UNC13B: variants seen among roughly 807,000 people sequenced by gnomAD.
The protein encoded by UNC13B is unc-13 homolog B, also known as protein unc-13 homolog B.
A neutral mutation model predicts 211.0 loss-of-function variants in UNC13B; 144 were observed. That is an observed-to-expected ratio of 0.68 (90% CI 0.60 to 0.78). The LOEUF is 0.78. Ranked by LOEUF, UNC13B falls within the 30% of genes least tolerant of loss-of-function variation. The pLI, the probability that UNC13B is intolerant of heterozygous loss-of-function variation, is 0.00. For missense variants in UNC13B, 1,777 were observed against 2,002.0 expected (o/e 0.89, Z 2.14); for synonymous variants, 709 against 725.8 (o/e 0.98, Z 0.37).
At chr9:35,194,379 G>A (rs1255196698) in intron 1 of UNC13B, among the ~76,000 whole-genome samples, 1 of 152,170 alleles carries the variant, frequency 6.6e-6, no homozygotes, top group Non-Finnish European at 1.5e-5. Context: ...GTCAGAGACT[G>A]GGATCAGTCC....
chr9:35,349,515 C>T (rs187898431), intron 11 of UNC13B, among the ~76,000 whole-genome samples: 1 of 152,280 alleles, frequency 6.6e-6, no homozygotes, highest in African/African-American at 2.4e-5. Flanking sequence ...AGTGCATCCT[C>T]GCAGGCTAGA....
intron 1 of UNC13B, among the ~76,000 whole-genome samples, chr9:35,166,968 A>G (rs1029618086): frequency 6.6e-6 from 1 of 152,134 alleles, no homozygotes; most frequent in Admixed American, 6.5e-5. Flanking sequence ...GTGGCATGTG[A>G]GCTGCATGTG....
In UNC13B at chr9:35,358,857, C is replaced by T. The variant is rs867535310; in HGVS notation, c.9415-8090C>T. ...GGGATTACAGGCATCCACCACGAAG[C>T]CTGGTTAATTTTTTGTATTTTTAGT... is the stretch of plus-strand genomic sequence containing the variant. On this transcript the variant is annotated intron_variant, in intron 11 of 39. Transcript: ENST00000635942. Among the ~76,000 whole-genome samples, 16 of 151,994 alleles carry T rather than the reference C, an allele frequency of 1.1e-4. No individual in the cohort carries two copies. In the Middle Eastern group the frequency reaches 0.01, roughly 97 times the overall value.
intron 1 of UNC13B, among the ~76,000 whole-genome samples, chr9:35,170,494 G>A (rs1028127782): frequency 2.0e-5 from 3 of 151,202 alleles, no homozygotes; most frequent in African/African-American, 7.3e-5. Flanking sequence ...TTTGAGACTG[G>A]ATCTTGCTCT....
chr9:35,291,108 C>T (rs1175419732), intron 7 of UNC13B: 25 of 1,550,116 alleles, frequency 1.6e-5, no homozygotes, highest in East Asian at 7.3e-5. Context: ...CAACAGAGTA[C>T]GTAAGAATTG....
intron 11 of UNC13B, chr9:35,342,465 GA>G (rs1832062883): frequency 1.2e-5 from 8 of 646,384 alleles, no homozygotes; most frequent in African/African-American, 2.0e-5. Flanking sequence ...ACTTGCTGGT[GA>G]GGGGGGTCAT....
intron 1 of UNC13B, among the ~76,000 whole-genome samples, chr9:35,172,166 T>G (rs1231298266): frequency 6.6e-6 from 1 of 151,470 alleles, no homozygotes; most frequent in Non-Finnish European, 1.5e-5. Context: ...TGAGCTACCA[T>G]GCCTGGCCCC....
intron 11 of UNC13B, among the ~76,000 whole-genome samples, chr9:35,315,166 AC>A (rs1221121170): frequency 6.6e-6 from 1 of 150,982 alleles, no homozygotes. Context: ...TGCTGAGAGT[AC>A]AGGTGTGAGC....
chr9:35,353,646 A>G (rs1312983439), intron 11 of UNC13B: 2 of 1,232,050 alleles, frequency 1.6e-6, no homozygotes, highest in Admixed American at 4.2e-5. Flanking sequence ...TCTCCCAAGC[A>G]GGGCAGACTG....
intron 24 of UNC13B, among the ~76,000 whole-genome samples, chr9:35,389,275 A>G (rs1473348394): frequency 6.6e-6 from 1 of 152,158 alleles, no homozygotes; most frequent in Non-Finnish European, 1.5e-5. Flanking sequence ...TTAGGCAGAT[A>G]GCTTCCTAGA....
chr9:35,286,596 C>CT (rs1828809975), intron 7 of UNC13B, among the ~76,000 whole-genome samples: 1 of 151,902 alleles, frequency 6.6e-6, no homozygotes, highest in South Asian at 2.1e-4. Context: ...ACAGTGGCTC[C>CT]TGTCTGTAAT....
intron 24 of UNC13B, among the ~76,000 whole-genome samples, chr9:35,387,735 C>T (rs563092747): frequency 1.9e-4 from 29 of 152,238 alleles, no homozygotes; most frequent in South Asian, 8.3e-4. Context: ...TTGGTTTATT[C>T]GTCCATTCAT....
intron 11 of UNC13B, among the ~76,000 whole-genome samples, chr9:35,357,452 GA>G (rs1833100104): frequency 6.6e-6 from 1 of 151,652 alleles, no homozygotes; most frequent in South Asian, 2.1e-4. Context: ...TGAGCTGTAA[GA>G]ATTCTTTATA....
At chr9:35,222,497 A>G (rs1391458859) in intron 1 of UNC13B, among the ~76,000 whole-genome samples, 1 of 152,242 alleles carries the variant, frequency 6.6e-6, no homozygotes, top group Non-Finnish European at 1.5e-5. Context: ...GGAGTCAAGC[A>G]AGATATAAAT....
At chr9:35,176,025 CAAAAAAA>C (rs10608620) in intron 1 of UNC13B, among the ~76,000 whole-genome samples, 1 of 96,194 alleles carries the variant, frequency 1.0e-5, no homozygotes, top group African/African-American at 3.9e-5. Flanking sequence ...GACTCTGTCT[CAAAAAAA>C]AAAAAAAAAA....
intron 11 of UNC13B, chr9:35,341,806 G>A (rs760012907): frequency 2.5e-6 from 1 of 403,584 alleles, no homozygotes; most frequent in African/African-American, 2.2e-5. Flanking sequence ...TGTGAGGAGG[G>A]CTGGTGCCCT....
intron 11 of UNC13B, among the ~76,000 whole-genome samples, chr9:35,314,874 CTTTTTT>C (rs765803997): frequency 1.7e-5 from 1 of 57,760 alleles, no homozygotes; most frequent in Non-Finnish European, 3.2e-5. Context: ...GATTCCGTAT[CTTTTTT>C]TTTTTTTTTT....
intron 7 of UNC13B, chr9:35,291,115 A>G (rs757666144): frequency 1.2e-5 from 18 of 1,550,216 alleles, no homozygotes; most frequent in South Asian, 3.6e-5. Flanking sequence ...GTACGTAAGA[A>G]TTGAAATTCC....
intron 1 of UNC13B, among the ~76,000 whole-genome samples, chr9:35,173,295 G>T (rs1004706375): frequency 2.0e-5 from 3 of 152,142 alleles, no homozygotes; most frequent in African/African-American, 7.2e-5. Context: ...CCAAGGAAAG[G>T]GGGGTAAATG....
Sources: allele counts gnomAD v4.1 joint callset (sites outside exome capture counted in the v4.1 genomes callset), GRCh38; gene constraint gnomAD v4.1.1; transcripts MANE v1.5; gene names NCBI Gene and HGNC (gene_info 2026-07-23, HGNC 2026-07-21).